Variants in FREM2 observed in about 807,000 individuals in gnomAD.
FREM2 encodes the protein FRAS1-related extracellular matrix protein 2.
In FREM2, 119 loss-of-function variants were observed where a neutral mutation model predicts 219.9. The observed-to-expected ratio is 0.54, with a 90% CI of 0.47 to 0.63. The LOEUF (loss-of-function observed/expected upper bound fraction) is 0.63. Ranked by LOEUF, FREM2 falls within the 30% of genes least tolerant of loss-of-function variation. The pLI, the probability that FREM2 is intolerant of heterozygous loss-of-function variation, is 0.00. For synonymous variants in FREM2, 1,562 were observed against 1,522.8 expected (o/e 1.03, Z -0.60); for missense variants, 4,030 against 3,993.6 (o/e 1.01, Z -0.25).
intron 6 of FREM2, among the ~76,000 whole-genome samples, chr13:38,803,790 T>C (rs755058807): frequency 6.7e-6 from 1 of 149,764 alleles, no homozygotes; most frequent in Non-Finnish European, 1.5e-5. Context: ...CATGGTGAGC[T>C]CTGTGGTAAA....
intron 2 of FREM2, among the ~76,000 whole-genome samples, chr13:38,760,600 AAG>A (rs1377635247): frequency 6.6e-6 from 1 of 152,076 alleles, no homozygotes; most frequent in African/African-American, 2.4e-5. Flanking sequence ...ACATTTTAGA[AAG>A]AGTGTCATTA....
In FREM2 at chr13:38,687,679, A is replaced by G. The variant is rs767098305; in HGVS notation, c.335A>G (p.Asn112Ser). ...GDRCAVSVLD[N>S]DALAQRPGRL... ...CGCTGCGCGGTTTCGGTACTAGACA[A>G]CGACGCACTGGCCCAGCGACCGGGC... The change falls in exon 1 of 24, where the codon AAC (asparagine) becomes AGC (serine). Residue 112 changes from asparagine (N) to serine (S), a missense_variant. Asn to Ser is a conservative substitution (Grantham distance 46). This residue lies in a region of FREM2 where 3,102 missense variants were observed against 2,950.7 expected (regional missense o/e 1.05). Transcript: ENST00000280481. 2.3e-4 allele frequency: 362 copies of G among 1,589,724 alleles called. 3 individuals are homozygous for G. In the South Asian group the frequency reaches 3.6e-3, roughly 16 times the overall value.
chr13:38,840,940 T>C (rs1306581272), intron 6 of FREM2, among the ~76,000 whole-genome samples: 1 of 152,142 alleles, frequency 6.6e-6, no homozygotes, highest in Non-Finnish European at 1.5e-5. Context: ...ATTGAATTGC[T>C]AGGTAAAAAC....
intron 16 of FREM2, among the ~76,000 whole-genome samples, chr13:38,870,466 A>G (rs1053010302): frequency 1.3e-5 from 2 of 152,228 alleles, no homozygotes; most frequent in Non-Finnish European, 2.9e-5. Context: ...TATTTATTTC[A>G]GTATAAACAA....
At chr13:38,710,504 A>G (rs1314192127) in intron 2 of FREM2, among the ~76,000 whole-genome samples, 1 of 152,184 alleles carries the variant, frequency 6.6e-6, no homozygotes, top group Non-Finnish European at 1.5e-5. Context: ...ATCAATCGAG[A>G]TGCATTTCAC....
intron 6 of FREM2, among the ~76,000 whole-genome samples, chr13:38,818,764 ACCAG>A: frequency 6.6e-6 from 1 of 152,164 alleles, no homozygotes; most frequent in East Asian, 1.9e-4. Context: ...GGAGTTTGAG[ACCAG>A]CCTGGCCAAC....
intron 2 of FREM2, among the ~76,000 whole-genome samples, chr13:38,720,056 A>G (rs1295982812): frequency 6.6e-6 from 1 of 152,158 alleles, no homozygotes; most frequent in Non-Finnish European, 1.5e-5. Flanking sequence ...TAGGGAAAGG[A>G]AATGAGGGAA....
chr13:38,755,033 T>G (rs1242408950), intron 2 of FREM2, among the ~76,000 whole-genome samples: 1 of 151,760 alleles, frequency 6.6e-6, no homozygotes. Context: ...CTCCTGAGTA[T>G]TTGAGATTAC....
intron 2 of FREM2, among the ~76,000 whole-genome samples, chr13:38,738,661 A>G (rs989132976): frequency 2.6e-5 from 4 of 151,888 alleles, no homozygotes; most frequent in Admixed American, 1.3e-4. Context: ...GGATGAGTCT[A>G]CAGATTTTAG....
At chr13:38,741,647 C>T (rs987723372) in intron 2 of FREM2, among the ~76,000 whole-genome samples, 3 of 152,132 alleles carry the variant, frequency 2.0e-5, no homozygotes, top group African/African-American at 7.2e-5. Flanking sequence ...ACTTTAATAG[C>T]ACTTTAGTTA....
At chr13:38,695,358 A>G (rs1274145582) in intron 1 of FREM2, among the ~76,000 whole-genome samples, 1 of 152,180 alleles carries the variant, frequency 6.6e-6, no homozygotes, top group Non-Finnish European at 1.5e-5. Flanking sequence ...ACTAATCAAT[A>G]ACACATGCCC....
intron 6 of FREM2, among the ~76,000 whole-genome samples, chr13:38,802,721 A>G (rs574482587): frequency 6.6e-6 from 1 of 152,320 alleles, no homozygotes; most frequent in African/African-American, 2.4e-5. Context: ...GTAGCTGCTG[A>G]AGGCTCAGAA....
At chr13:38,702,919 T>C (rs1053112961) in intron 2 of FREM2, among the ~76,000 whole-genome samples, 2 of 152,164 alleles carry the variant, frequency 1.3e-5, no homozygotes, top group African/African-American at 4.8e-5. Context: ...ATTATGCCTT[T>C]GGTGCCCAAT....
In FREM2 at chr13:38,857,924, T is replaced by G. The variant is rs1877622064; in HGVS notation, c.7106T>G (p.Val2369Gly). ...YIEEMSSMAD[V>G]TFPSVPQIVS... Reference sequence around the variant, plus strand: ...GAAGAAATGAGCAGCATGGCAGATGTCACTTTTCCTTCTGTCCCTCAAATT... The same window carrying G: ...GAAGAAATGAGCAGCATGGCAGATGGCACTTTTCCTTCTGTCCCTCAAATT... Residue 2369 changes from valine (V) to glycine (G), a missense_variant, in exon 13 of 24, where the codon GTC becomes GGC. This residue lies in a region of FREM2 where 928 missense variants were observed against 1,042.9 expected (regional missense o/e 0.89). Transcript: ENST00000280481. 1.9e-6 allele frequency: 3 copies of G among 1,613,774 alleles called. No homozygotes were observed. In the East Asian group the frequency reaches 6.7e-5, roughly 36 times the overall value.
chr13:38,836,626 G>A (rs552244317), intron 6 of FREM2, among the ~76,000 whole-genome samples: 4 of 152,176 alleles, frequency 2.6e-5, no homozygotes, highest in Admixed American at 6.6e-5. Context: ...TTCAGAACTT[G>A]TTATTGGTCT....
chr13:38,689,335 G>A lies in FREM2; in HGVS notation c.1991G>A (p.Gly664Glu). Residue 664 changes from glycine to glutamate, a missense_variant, in exon 1 of 24, where the codon GGG becomes GAG. By Grantham distance (98) the Gly-to-Glu change is moderately conservative. Transcript: ENST00000280481. Reference sequence around the variant, plus strand: ...AGACACTCTGGGCCCCATAGTCCTGGGCCAGTCACAGACCAGTTCACATTT... The same window carrying A: ...AGACACTCTGGGCCCCATAGTCCTGAGCCAGTCACAGACCAGTTCACATTT... Reference protein sequence around the residue: ...FYRHSGPHSPGPVTDQFTFRV... With the variant: ...FYRHSGPHSPEPVTDQFTFRV... The A allele has an allele frequency of 6.2e-7, 1 of 1,613,950 alleles. No homozygotes were observed. The highest frequency in any genetic ancestry group is 8.5e-7 in the Non-Finnish European group (1 of 1,179,966).
intron 2 of FREM2, among the ~76,000 whole-genome samples, chr13:38,755,413 AAAAGGGTATCC>A (rs1169935006): frequency 6.6e-6 from 1 of 152,118 alleles, no homozygotes; most frequent in Middle Eastern, 3.2e-3. Flanking sequence ...CTATTGAAGG[AAAAGGGTATCC>A]AAAGTGTGCT....
chr13:38,785,669 A>G (rs1408463608), intron 6 of FREM2, among the ~76,000 whole-genome samples: 1 of 152,224 alleles, frequency 6.6e-6, no homozygotes, highest in African/African-American at 2.4e-5. Flanking sequence ...TTAAATGGCA[A>G]AGCATGTGAG....
At chr13:38,808,767 T>A (rs1358474595) in intron 6 of FREM2, among the ~76,000 whole-genome samples, 14 of 151,900 alleles carry the variant, frequency 9.2e-5, no homozygotes, top group Admixed American at 9.2e-4. Flanking sequence ...TAATAATAAG[T>A]TTGAAATATT....
Sources: gnomAD v4.1 joint callset for allele counts (sites outside exome capture counted in the v4.1 genomes callset) on GRCh38, gnomAD v4.1.1 for gene constraint, gnomAD v4.1.1 regional missense constraint, MANE v1.5 for transcripts, NCBI Gene and HGNC (gene_info 2026-07-23, HGNC 2026-07-21) for gene names.